CYTH2: variants seen among roughly 807,000 people sequenced by gnomAD.
CYTH2 encodes cytohesin 2.
Under a neutral mutation model 55.4 loss-of-function variants are expected in CYTH2, and 24 were observed. The observed-to-expected ratio is 0.43, with a 90% CI of 0.31 to 0.61. The LOEUF (loss-of-function observed/expected upper bound fraction) is 0.61, where lower values mean the gene tolerates loss of function less well. Ranked by LOEUF, CYTH2 falls within the 20% of genes least tolerant of loss-of-function variation. The pLI, the probability that CYTH2 is intolerant of heterozygous loss-of-function variation, is 0.08. For missense variants in CYTH2, 378 were observed against 533.5 expected (o/e 0.71, Z 2.87); for synonymous variants, 221 against 209.6 (o/e 1.05, Z -0.47).
At chr19:48,478,047 C>T (rs757726720) in intron 8 of CYTH2, 22 bp from the exon 9 acceptor site, 19 of 1,611,228 alleles carry the variant, frequency 1.2e-5, no homozygotes, top group Non-Finnish European at 1.5e-5. Flanking sequence ...GCCCAGGCCC[C>T]CTCCCACCCC....
chr19:48,469,601 C>T (rs898719481), intron 1 of CYTH2, 75 bp downstream of exon 1: 4 of 1,315,566 alleles, frequency 3.0e-6, no homozygotes, highest in Admixed American at 7.8e-5. Flanking sequence ...GCGAACGTTT[C>T]CCCCTGGCGC....
chr19:48,469,912 C>G (rs1971753382), intron 1 of CYTH2: 2 of 569,088 alleles, frequency 3.5e-6, no homozygotes, highest in Middle Eastern at 2.8e-4. Flanking sequence ...CCCACCTTCC[C>G]AACTCTCCTG....
chr19:48,472,435 G>T lies in CYTH2; in HGVS notation c.345G>T (p.Leu115=). 1.2e-6 allele frequency: 2 copies of T among 1,613,124 alleles called. No homozygotes were observed. Among genetic ancestry groups the T allele is most frequent in the Non-Finnish European group, 1.7e-6 (2 of 1,179,918 alleles). ...GLNKTAIGDY[L]GEREELNLAV... ...ACAAGACAGCCATCGGGGACTACCT[G>T]GGGGAGAGGTACGGTCACCACTCAG... Residue 115 remains leucine, a synonymous_variant, in exon 4 of 12, where the codon CTG becomes CTT. Coordinates refer to ENST00000452733, the MANE Select transcript of CYTH2 (RefSeq NM_004228.7).
intron 1 of CYTH2, 59 bp from the exon 2 acceptor site, chr19:48,470,294 C>T: frequency 6.5e-7 from 1 of 1,543,122 alleles, no homozygotes. Flanking sequence ...CCCCAGATTG[C>T]AGGAATTCAG....
At chr19:48,470,122 C>A in intron 1 of CYTH2, 1 of 728,818 alleles carries the variant, frequency 1.4e-6, no homozygotes. Flanking sequence ...CCCCTTCTCC[C>A]TCAGACTCAG....
At chr19:48,475,236 AGC>A in intron 8 of CYTH2, 1 of 404,068 alleles carries the variant, frequency 2.5e-6, no homozygotes, top group Non-Finnish European at 4.4e-6. Context: ...AGTGAGAGGC[AGC>A]TGACATTGTC....
At chr19:48,472,551 G>A (rs1304831789) in intron 4 of CYTH2, 108 bp downstream of exon 4, 12 of 873,562 alleles carry the variant, frequency 1.4e-5, no homozygotes, top group South Asian at 2.9e-5. Flanking sequence ...CAGCCTCCCC[G>A]CAGAGGGGCC....
Position 48,479,391 on chromosome 19 carries a change from T to C in CYTH2, c.*181T>C. 1 of 612,100 alleles carries C rather than the reference T, an allele frequency of 1.6e-6. No individual in the cohort carries two copies. Among genetic ancestry groups the C allele is most frequent in the Non-Finnish European group, 2.8e-6 (1 of 352,706 alleles). The allele number at this position is 612,100 out of a possible 1,614,324, so 37.9% of individuals were successfully genotyped here. ...TTATTAATTATTTAACCACTTGGCC[T>C]GCTGACCCCCTCATTTCTTGGGGTT... On this transcript the variant is annotated 3_prime_UTR_variant, in exon 12 of 12. Transcript: ENST00000452733.
chr19:48,482,291 A>T lies in CYTH2; in HGVS notation c.*3081A>T, dbSNP rs927935262. On this transcript the variant is annotated 3_prime_UTR_variant, in exon 12 of 12. Transcript: ENST00000452733. Reference sequence around the variant, plus strand: ...CTCCCCCACCCCCACAAAAAACTTTATATTAAAATCCTAACCCCCAGCATC... The same window carrying T: ...CTCCCCCACCCCCACAAAAAACTTTTTATTAAAATCCTAACCCCCAGCATC... The T allele has an allele frequency of 6.6e-6, 1 of 151,986 alleles. No homozygotes were observed. The highest frequency in any genetic ancestry group is 2.4e-5 in the African/African-American group (1 of 41,318). The allele number at this position is 151,986 out of a possible 1,614,324, so 9.4% of individuals were successfully genotyped here. A position where few individuals can be genotyped will look rare whatever the true frequency, so the allele number is the denominator to read the frequency against.
At chr19:48,469,925 C>T (rs1376157336) in intron 1 of CYTH2, 4 of 563,520 alleles carry the variant, frequency 7.1e-6, no homozygotes, top group South Asian at 6.1e-5. Flanking sequence ...CTCTCCTGAG[C>T]TGTCATCAGT....
rs35979886 is a variant in CYTH2 at position 48,481,491 on chromosome 19, G to GT, written c.*2292dup. On this transcript the variant is annotated 3_prime_UTR_variant, in exon 12 of 12. Transcript: ENST00000452733. ...AGCACGCTTCTGATTTTTTTTGTAGGTTTTTTTTTTTGTTTTTTGTTTTGT... is the reference window on the plus strand; with the variant it reads ...AGCACGCTTCTGATTTTTTTTGTAGGTTTTTTTTTTTTGTTTTTTGTTTTGT... The GT allele has an allele frequency of 0.73, 122,787 of 167,150 alleles. 46,069 individuals are homozygous for GT. The highest frequency in any genetic ancestry group is 0.83 in the Non-Finnish European group (65,406 of 79,014). The allele number at this position is 167,150 out of a possible 1,614,324, so 10.4% of individuals were successfully genotyped here.
At position 48,474,654 on chromosome 19, in the gene CYTH2, T is replaced by TG. The variant is rs1971873037; in HGVS notation, c.697-184_697-183insG. Among the ~76,000 whole-genome samples the TG allele has an allele frequency of 2.0e-5, 3 of 152,066 alleles. No individual in the cohort carries two copies. In the South Asian group the frequency reaches 6.2e-4, roughly 32 times the overall value. Reference sequence around the variant, plus strand: ...CTCCTCCACCTATCACCAGGGCATCTCTTCTTTCCTCCGCCACCTCAGCCT... The same window carrying TG: ...CTCCTCCACCTATCACCAGGGCATCTGCTTCTTTCCTCCGCCACCTCAGCCT... On this transcript the variant is annotated intron_variant, in intron 7 of 11. Transcript: ENST00000452733. The surrounding 1 kb of genome is among the most constrained non-coding windows in gnomAD (Gnocchi z 4.9).
intron 2 of CYTH2, 49 bp downstream of exon 2, chr19:48,470,549 A>G: frequency 6.2e-7 from 1 of 1,614,074 alleles, no homozygotes; most frequent in Non-Finnish European, 8.5e-7. Flanking sequence ...GGCTGAGGCC[A>G]GGGATGCCCA....
Position 48,473,997 on chromosome 19 carries a change from C to G in CYTH2, c.527C>G (p.Pro176Arg). 1 of 1,612,026 alleles carries G rather than the reference C, an allele frequency of 6.2e-7. No individual in the cohort carries two copies. The stretch of plus-strand genomic sequence containing the variant: ...GCCCAGCGATACTGCCTGTGCAACC[C>G]TGGGGTTTTCCAGTCCACAGGTGCG... Reference protein sequence around the residue: ...AFAQRYCLCNPGVFQSTDTCY... With the variant: ...AFAQRYCLCNRGVFQSTDTCY... Residue 176 changes from proline to arginine, a missense_variant, in exon 6 of 12, where the codon CCT (proline) becomes CGT (arginine). Pro to Arg is a moderately radical substitution (Grantham distance 103). Transcript: ENST00000452733.
chr19:48,469,650 C>T, intron 1 of CYTH2, 124 bp downstream of exon 1: 3 of 1,353,806 alleles, frequency 2.2e-6, no homozygotes, highest in East Asian at 2.8e-5. Context: ...GTAGACTTGT[C>T]GCGCCGCTTT....
intron 8 of CYTH2, chr19:48,477,286 C>T (rs1370532358): frequency 6.6e-6 from 1 of 152,410 alleles, no homozygotes; most frequent in Non-Finnish European, 1.5e-5. Flanking sequence ...CTCACACCCA[C>T]CTCAGACCAA....
intron 8 of CYTH2, 185 bp downstream of exon 8, chr19:48,475,134 G>A: frequency 8.5e-6 from 5 of 587,352 alleles, no homozygotes; most frequent in Non-Finnish European, 1.2e-5. Flanking sequence ...TGCTGGGCCT[G>A]GCCTGTAGTA....
In CYTH2 at chr19:48,480,798, G is replaced by T. The variant is rs1297131135; in HGVS notation, c.*1588G>T. On this transcript the variant is annotated 3_prime_UTR_variant, in exon 12 of 12. Coordinates refer to ENST00000452733, the MANE Select transcript of CYTH2 (RefSeq NM_004228.7). ...ACCCAAGAAGGTCGTGGGAGATGAG[G>T]TCCCAGGGTAAACAGCGGGTCCCGC... is the stretch of plus-strand genomic sequence containing the variant. 1 of 152,348 alleles carries T rather than the reference G, an allele frequency of 6.6e-6. No homozygotes were observed. Among genetic ancestry groups the T allele is most frequent in the African/African-American group, 2.4e-5 (1 of 41,580 alleles). 9.4% of individuals were successfully genotyped at this position (152,348 alleles called of 1,614,324 possible).
At chr19:48,473,790 C>A in intron 5 of CYTH2, 115 bp from the exon 6 acceptor site, 2 of 798,002 alleles carry the variant, frequency 2.5e-6, no homozygotes, top group South Asian at 1.8e-5. Context: ...CCTGAAACAA[C>A]TGCTGAGGCC....
Sources: gnomAD v4.1 joint callset for allele counts (sites outside exome capture counted in the v4.1 genomes callset) on GRCh38, gnomAD v4.1.1 for gene constraint, Gnocchi (gnomAD v3.1) non-coding constraint, MANE v1.5 for transcripts, NCBI Gene and HGNC (gene_info 2026-07-23, HGNC 2026-07-21) for gene names.